The following ACOX3 variants were observed in gnomAD, a reference collection of about 807,000 sequenced individuals.
ACOX3 encodes peroxisomal acyl-coenzyme A oxidase 3.
A neutral mutation model predicts 81.5 loss-of-function variants in ACOX3; 73 were observed. The ratio of observed to expected loss-of-function variants is 0.90; its 90% confidence interval spans 0.74 to 1.09. The LOEUF (loss-of-function observed/expected upper bound fraction) is 1.09. ACOX3 is among the 50% of genes least tolerant of loss of function. ACOX3 has a pLI of 0.00. For synonymous variants in ACOX3, 387 were observed against 375.1 expected (o/e 1.03, Z -0.37); for missense variants, 947 against 928.0 (o/e 1.02, Z -0.27).
At chr4:8,357,358 G>A in the ACOX3 span, 1 of 420,772 alleles carries the variant, frequency 2.4e-6, no homozygotes. Flanking sequence ...CAGGAACACT[G>A]GCATGAACCA....
rs528832606 is a variant in ACOX3, at chr4:8,397,010, C to T, written c.983G>A (p.Arg328His). 2.2e-5 allele frequency: 35 copies of T among 1,611,840 alleles called. No homozygotes were observed. The highest frequency in any genetic ancestry group is 1.6e-4 in the Middle Eastern group (1 of 6,078). Residue 328 changes from arginine to histidine, a missense_variant, in exon 9 of 18, where the codon CGC (arginine) becomes CAC (histidine). By Grantham distance (29) the Arg-to-His change is conservative. Coordinates refer to ENST00000356406, the MANE Select transcript of ACOX3 (RefSeq NM_003501.3). ...NLKLAVAIAL[R>H]FSATRRQFGP... is the part of the protein sequence containing the mutation. ...AAACTGACGCCGAGTGGCTGAGAAG[C>T]GAAGAGCGATGGCCACGGCCAGCTT...
chr4:8,435,810 C>T (rs1724203957), intron 1 of ACOX3, among the ~76,000 whole-genome samples: 1 of 152,148 alleles, frequency 6.6e-6, no homozygotes. Flanking sequence ...TTTGCAGGAG[C>T]CGCCAGAGAT....
In ACOX3 at chr4:8,414,481, A is replaced by C. The variant is rs180943001; in HGVS notation, c.454-100T>G. ...ATCTTTCCTTTAAAGATGAAACCAC[A>C]TATCAAAGCCCCAAATTTCCATCTA... is the stretch of plus-strand genomic sequence containing the variant. On this transcript the variant is annotated intron_variant, in intron 4 of 17. Coordinates refer to ENST00000356406, the MANE Select transcript of ACOX3 (RefSeq NM_003501.3). The surrounding 1 kb of genome is among the most constrained non-coding windows in gnomAD (Gnocchi z 6.1). 8 of 1,095,910 alleles carry C rather than the reference A, an allele frequency of 7.3e-6. No individual in the cohort carries two copies. In the Admixed American group the frequency reaches 1.4e-4, roughly 19 times the overall value. The allele number at this position is 1,095,910 out of a possible 1,614,324, so 67.9% of individuals were successfully genotyped here. A position where few individuals can be genotyped will look rare whatever the true frequency, so the allele number is the denominator to read the frequency against.
At position 8,366,751 on chromosome 4, in the gene ACOX3, C is replaced by A; in HGVS notation, c.*210G>T. ...TCATCTGCATTTCTTTTCCACGCTG[C>A]AAATCACCGCGATCCCAGATTAGTC... On this transcript the variant is annotated 3_prime_UTR_variant, in exon 18 of 18. Coordinates refer to ENST00000356406, the MANE Select transcript of ACOX3 (RefSeq NM_003501.3). 1 of 517,290 alleles carries A rather than the reference C, an allele frequency of 1.9e-6. No homozygotes were observed. The highest frequency in any genetic ancestry group is 3.4e-6 in the Non-Finnish European group (1 of 297,904). The allele number at this position is 517,290 out of a possible 1,614,324, so 32.0% of individuals were successfully genotyped here.
At chr4:8,435,045 A>T (rs1724147470) in intron 1 of ACOX3, among the ~76,000 whole-genome samples, 1 of 151,960 alleles carries the variant, frequency 6.6e-6, no homozygotes, top group East Asian at 1.9e-4. Context: ...AAACTGTGTT[A>T]AAAAAAAATT....
At chr4:8,418,545 C>T (rs1316260987) in intron 1 of ACOX3, among the ~76,000 whole-genome samples, 1 of 150,986 alleles carries the variant, frequency 6.6e-6, no homozygotes, top group Non-Finnish European at 1.5e-5. Flanking sequence ...TTCAAATAGA[C>T]ATTTCTCCAA....
rs1723950556 is a variant in ACOX3, at chr4:8,431,486, G to A, written c.-15+9162C>T. ...CCTCTCTGTGAGTCAGGGTGGTGGG[G>A]AGGTAGGAAGAGAGGAAGGGGTCGT... On this transcript the variant is annotated intron_variant, in intron 1 of 17. Coordinates refer to ENST00000356406, the MANE Select transcript of ACOX3 (RefSeq NM_003501.3). The surrounding 1 kb of genome is among the most constrained non-coding windows in gnomAD (Gnocchi z 5.3). 6.6e-6 allele frequency among the ~76,000 whole-genome samples: 1 copy of A among 152,246 alleles called. No homozygotes were observed. Among genetic ancestry groups the A allele is most frequent in the Non-Finnish European group, 1.5e-5 (1 of 68,046 alleles).
rs540689909 is a variant in ACOX3 at position 8,395,707 on chromosome 4, T to C, written c.1057-965A>G. Among the ~76,000 whole-genome samples the C allele has an allele frequency of 7.2e-4, 110 of 152,344 alleles. 1 individual carries two copies. The highest frequency in any genetic ancestry group is 2.3e-3 in the African/African-American group (95 of 41,580). On this transcript the variant is annotated intron_variant, in intron 9 of 17. Coordinates refer to ENST00000356406, the MANE Select transcript of ACOX3 (RefSeq NM_003501.3). ...GGCATGGTGGCCCCAGTGCGCTCTCTTGACCGCCGAGCTGCCCTTGGCACC... is the reference window on the plus strand; with the variant it reads ...GGCATGGTGGCCCCAGTGCGCTCTCCTGACCGCCGAGCTGCCCTTGGCACC...
At chr4:8,410,437 C>A (rs778625640) in intron 5 of ACOX3, 82 bp from the exon 6 acceptor site, 34 of 1,523,780 alleles carry the variant, frequency 2.2e-5, no homozygotes, top group African/African-American at 4.1e-5. Flanking sequence ...AGACAGATTC[C>A]ATTTTCTACG....
chr4:8,371,645 G>A (rs1372902739), intron 16 of ACOX3, among the ~76,000 whole-genome samples: 1 of 152,274 alleles, frequency 6.6e-6, no homozygotes, highest in African/African-American at 2.4e-5. Flanking sequence ...AGTCAGTACA[G>A]AGTAAGAAAG....
Position 8,405,720 on chromosome 4 carries a change from G to A in ACOX3, c.776+235C>T, listed in dbSNP as rs866734771. Among the ~76,000 whole-genome samples, 7 of 152,326 alleles carry A rather than the reference G, an allele frequency of 4.6e-5. No individual in the cohort carries two copies. Among genetic ancestry groups the A allele is most frequent in the East Asian group, 1.9e-4 (1 of 5,174 alleles). ...GGGTCTGATCTGAGAGTGTGGAGCCGCCTGCCAAGGTGAAGCTGGTTTGCT... is the reference window on the plus strand; with the variant it reads ...GGGTCTGATCTGAGAGTGTGGAGCCACCTGCCAAGGTGAAGCTGGTTTGCT... On this transcript the variant is annotated intron_variant, in intron 7 of 17. Transcript: ENST00000356406. This position sits in a 1 kb window ranked among gnomAD's most constrained non-coding sequence, Gnocchi z 7.1.
rs1470858620 is a variant in ACOX3 at position 8,414,420 on chromosome 4, G to A, written c.454-39C>T. On this transcript the variant is annotated intron_variant, in intron 4 of 17. Coordinates refer to ENST00000356406, the MANE Select transcript of ACOX3 (RefSeq NM_003501.3). The surrounding 1 kb of genome is among the most constrained non-coding windows in gnomAD (Gnocchi z 6.1). ...CACAAAATGATGGAAAGCAAGAAAA[G>A]TTCTTTGTGCACATTCCCAGAAGGA... 7 of 1,570,852 alleles carry A rather than the reference G, an allele frequency of 4.5e-6. No individual in the cohort carries two copies. Among genetic ancestry groups the A allele is most frequent in the Non-Finnish European group, 6.1e-6 (7 of 1,140,882 alleles).
intron 14 of ACOX3, among the ~76,000 whole-genome samples, chr4:8,377,171 C>T (rs1211839767): frequency 1.3e-5 from 2 of 152,194 alleles, no homozygotes; most frequent in African/African-American, 4.8e-5. Flanking sequence ...GGGTCCTCTG[C>T]GAACCCAGAG....
rs1226751484 is a variant in ACOX3 at position 8,430,781 on chromosome 4, A to T, written c.-15+9867T>A. Among the ~76,000 whole-genome samples the T allele has an allele frequency of 6.6e-6, 1 of 152,186 alleles. No individual in the cohort carries two copies. Among genetic ancestry groups the T allele is most frequent in the Admixed American group, 6.5e-5 (1 of 15,286 alleles). On this transcript the variant is annotated intron_variant, in intron 1 of 17. Transcript: ENST00000356406. This position sits in a 1 kb window ranked among gnomAD's most constrained non-coding sequence, Gnocchi z 5.2. ...TGAGGCAAGAGAATCGCCTGAACGCAGGAGGTAGAGGTTGCAGTGAGCCAA... is the reference window on the plus strand; with the variant it reads ...TGAGGCAAGAGAATCGCCTGAACGCTGGAGGTAGAGGTTGCAGTGAGCCAA...
chr4:8,397,391 G>C (rs1719839137), intron 8 of ACOX3, among the ~76,000 whole-genome samples: 1 of 152,232 alleles, frequency 6.6e-6, no homozygotes, highest in African/African-American at 2.4e-5. Context: ...TGGTATGACA[G>C]CGCTGGGTGA....
rs762542823 is a variant in ACOX3, at chr4:8,399,146, C to T, written c.873+410G>A. Among the ~76,000 whole-genome samples the T allele has an allele frequency of 1.3e-4, 20 of 152,200 alleles. No homozygotes were observed. The highest frequency in any genetic ancestry group is 2.4e-4 in the Non-Finnish European group (16 of 68,042). On this transcript the variant is annotated intron_variant, in intron 8 of 17. Transcript: ENST00000356406. The surrounding 1 kb of genome is among the most constrained non-coding windows in gnomAD (Gnocchi z 4.9). ...CCTGGGCCATCGCTCCCCAGGACCA[C>T]GGTCTCTCTTCTGCTCTCCGTGAAC...
At chr4:8,408,891 T>G (rs1192118008) in intron 6 of ACOX3, among the ~76,000 whole-genome samples, 10 of 25,794 alleles carry the variant, frequency 3.9e-4, no homozygotes, top group African/African-American at 2.4e-3. Flanking sequence ...GAGCCCTCAC[T>G]GGGGGGGGGG....
chr4:8,391,025 A>ATGTATG (rs1326612768), intron 11 of ACOX3, among the ~76,000 whole-genome samples: 11 of 101,808 alleles, frequency 1.1e-4, no homozygotes, highest in Admixed American at 6.8e-4. Flanking sequence ...GTATATGTAT[A>ATGTATG]TGTATGTGTA....
In ACOX3 at chr4:8,437,468, G is replaced by C. The variant is rs759162623; in HGVS notation, c.-15+3180C>G. Among the ~76,000 whole-genome samples, 3 of 152,190 alleles carry C rather than the reference G, an allele frequency of 2.0e-5. No homozygotes were observed. The highest frequency in any genetic ancestry group is 4.4e-5 in the Non-Finnish European group (3 of 68,034). On this transcript the variant is annotated intron_variant, in intron 1 of 17. Coordinates refer to ENST00000356406, the MANE Select transcript of ACOX3 (RefSeq NM_003501.3). This position sits in a 1 kb window ranked among gnomAD's most constrained non-coding sequence, Gnocchi z 5.2. ...GAAAATGGGAGAGACAGCAGTGCGCGGGGGCAGGGCCTGTGCCACTGCCTG... is the reference window on the plus strand; with the variant it reads ...GAAAATGGGAGAGACAGCAGTGCGCCGGGGCAGGGCCTGTGCCACTGCCTG...
Sources: gnomAD v4.1 joint callset for allele counts (sites outside exome capture counted in the v4.1 genomes callset) on GRCh38, gnomAD v4.1.1 for gene constraint, Gnocchi (gnomAD v3.1) non-coding constraint, MANE v1.5 for transcripts, NCBI Gene and HGNC (gene_info 2026-07-23, HGNC 2026-07-21) for gene names.